Variants in CTNNA2 observed in about 807,000 individuals in gnomAD.
CTNNA2 encodes catenin alpha 2.
A neutral mutation model predicts 101.0 loss-of-function variants in CTNNA2; 42 were observed. The ratio of observed to expected loss-of-function variants is 0.42; its 90% CI spans 0.32 to 0.54. The LOEUF is 0.54. CTNNA2 is among the 20% of genes least tolerant of loss of function. The pLI is 0.14. For missense variants in CTNNA2, 871 were observed against 1,223.1 expected, an observed-to-expected ratio of 0.71 and a Z score of 4.29; for synonymous variants, 450 against 456.4, an observed-to-expected ratio of 0.99 and a Z score of 0.18.
chr2:79,945,752 A>C (rs906780387), intron 7 of CTNNA2, among the ~76,000 whole-genome samples: 2 of 152,180 alleles, frequency 1.3e-5, no homozygotes, highest in African/African-American at 4.8e-5. Context: ...GATTCTAGAG[A>C]AATTAATTTA....
chr2:79,491,988 C>T (rs981675266), intron 4 of CTNNA2, among the ~76,000 whole-genome samples: 5 of 152,070 alleles, frequency 3.3e-5, no homozygotes, highest in South Asian at 4.1e-4. Flanking sequence ...GGCAAAAATG[C>T]GTTATCTAGC....
rs762484617 is a variant in CTNNA2, at chr2:80,647,922, T to C, written c.*50T>C. On this transcript the variant is annotated 3_prime_UTR_variant, in exon 19 of 19. Coordinates refer to ENST00000402739, the MANE Select transcript of CTNNA2 (RefSeq NM_001282597.3). ...TTTTTCTTTCTTTTCTTTCTTTCTT[T>C]TTCTTTTTAATTCCATTTTTGTATG... 1 of 1,514,520 alleles carries C rather than the reference T, an allele frequency of 6.6e-7. No homozygotes were observed. The highest frequency in any genetic ancestry group is 2.2e-5 in the Admixed American group (1 of 45,074). 93.8% of individuals were successfully genotyped at this position (1,514,520 alleles called of 1,614,324 possible).
At chr2:80,047,361 A>C (rs1696599073) in intron 7 of CTNNA2, among the ~76,000 whole-genome samples, 3 of 152,240 alleles carry the variant, frequency 2.0e-5, no homozygotes, top group African/African-American at 7.2e-5. Context: ...GCAGAATAGA[A>C]TATTTCCATT....
At chr2:79,874,906 A>G (rs1682888997) in intron 6 of CTNNA2, among the ~76,000 whole-genome samples, 1 of 152,192 alleles carries the variant, frequency 6.6e-6, no homozygotes, top group South Asian at 2.1e-4. Flanking sequence ...TCATAATTTG[A>G]CGATCATCTT....
chr2:79,206,446 CTT>C (rs1405676809), intron 2 of CTNNA2, among the ~76,000 whole-genome samples: 1 of 152,176 alleles, frequency 6.6e-6, no homozygotes, highest in Non-Finnish European at 1.5e-5. Context: ...GGAGGTCAAT[CTT>C]TGTCAATCCC....
intron 7 of CTNNA2, among the ~76,000 whole-genome samples, chr2:80,101,039 G>T (rs956871517): frequency 6.6e-6 from 1 of 152,094 alleles, no homozygotes; most frequent in African/African-American, 2.4e-5. Flanking sequence ...GGGACTTCTG[G>T]CTGTTGTAAG....
chr2:79,818,821 T>TTTTTTATATATATATATATATATATATA (rs1553373413), intron 3 of CTNNA2, among the ~76,000 whole-genome samples: 2 of 74,280 alleles, frequency 2.7e-5, no homozygotes, highest in Admixed American at 1.5e-4. Context: ...CAAAATGCAA[T>TTTTTTATATATATATATATATATATATA]TATATATATA....
At chr2:80,133,156 A>G (rs1381837340) in intron 7 of CTNNA2, among the ~76,000 whole-genome samples, 1 of 152,156 alleles carries the variant, frequency 6.6e-6, no homozygotes, top group African/African-American at 2.4e-5. Flanking sequence ...TTGGAAAAGC[A>G]GGGAAGAGAT....
At chr2:80,163,226 A>G (rs1704447212) in intron 7 of CTNNA2, 1 of 876,668 alleles carries the variant, frequency 1.1e-6, no homozygotes, top group Admixed American at 2.2e-5. Flanking sequence ...GCTTATTATT[A>G]TAGTAGATTA....
chr2:79,692,553 T>A (rs1488233552), intron 2 of CTNNA2, among the ~76,000 whole-genome samples: 6 of 152,058 alleles, frequency 3.9e-5, no homozygotes, highest in Non-Finnish European at 8.8e-5. Flanking sequence ...TAAATCATGC[T>A]ACCATAAAGA....
intron 12 of CTNNA2, among the ~76,000 whole-genome samples, chr2:80,562,457 C>T (rs994878387): frequency 1.3e-5 from 2 of 152,100 alleles, no homozygotes; most frequent in African/African-American, 4.8e-5. Context: ...TCCAAAAGTT[C>T]TATAATATAT....
At chr2:79,495,609 T>C (rs1383877969) in intron 4 of CTNNA2, among the ~76,000 whole-genome samples, 1 of 152,132 alleles carries the variant, frequency 6.6e-6, no homozygotes, top group Non-Finnish European at 1.5e-5. Flanking sequence ...GCAATTCCAC[T>C]CTTAGGTGTA....
chr2:79,660,148 ACAC>A (rs1372347387), intron 2 of CTNNA2, among the ~76,000 whole-genome samples: 1 of 151,622 alleles, frequency 6.6e-6, no homozygotes, highest in African/African-American at 2.4e-5. Flanking sequence ...CAATATACAC[ACAC>A]AAGTAGTATG....
intron 3 of CTNNA2, among the ~76,000 whole-genome samples, chr2:79,824,701 G>T (rs1369740003): frequency 1.3e-5 from 2 of 152,078 alleles, no homozygotes; most frequent in African/African-American, 2.4e-5. Flanking sequence ...CGAACCCAAA[G>T]ATCCTACATT....
chr2:79,251,681 C>T (rs755077328), intron 2 of CTNNA2, among the ~76,000 whole-genome samples: 3 of 152,088 alleles, frequency 2.0e-5, no homozygotes, highest in Admixed American at 2.0e-4. Context: ...TGAGGTCTGC[C>T]TATAGTCCTA....
At chr2:79,999,889 T>G (rs1692818439) in intron 7 of CTNNA2, among the ~76,000 whole-genome samples, 1 of 152,128 alleles carries the variant, frequency 6.6e-6, no homozygotes, top group South Asian at 2.1e-4. Flanking sequence ...CTTACTGACG[T>G]GTTCATGGTT....
chr2:79,509,297 G>C (rs1671485073), upstream of CTNNA2, among the ~76,000 whole-genome samples: 1 of 151,816 alleles, frequency 6.6e-6, no homozygotes, highest in Non-Finnish European at 1.5e-5. Context: ...ATATTTAGGA[G>C]GTCCTTAAAA....
intron 15 of CTNNA2, among the ~76,000 whole-genome samples, chr2:80,595,476 T>C (rs1696872578): frequency 6.6e-6 from 1 of 152,212 alleles, no homozygotes; most frequent in Non-Finnish European, 1.5e-5. Context: ...TTAACTTGCC[T>C]GATTGCACTG....
At chr2:80,559,581 A>G (rs1693362528) in intron 12 of CTNNA2, among the ~76,000 whole-genome samples, 1 of 152,206 alleles carries the variant, frequency 6.6e-6, no homozygotes, top group South Asian at 2.1e-4. Context: ...AAAATTTTGT[A>G]GATTATTAGT....
Sources: gnomAD v4.1 joint callset for allele counts (sites outside exome capture counted in the v4.1 genomes callset) on GRCh38, gnomAD v4.1.1 for gene constraint, MANE v1.5 for transcripts, NCBI Gene and HGNC (gene_info 2026-07-23, HGNC 2026-07-21) for gene names.